NPAS3: variants seen among roughly 807,000 people sequenced by gnomAD.
NPAS3 encodes neuronal PAS domain-containing protein 3.
Under a neutral mutation model 73.1 loss-of-function variants are expected in NPAS3, and 14 were observed. The ratio of observed to expected loss-of-function variants is 0.19; its 90% CI spans 0.13 to 0.30. The LOEUF (loss-of-function observed/expected upper bound fraction) is 0.30, where lower values mean the gene tolerates loss of function less well. Among genes scored for constraint, NPAS3 ranks in the 10% least tolerant of loss-of-function variants. The pLI is 1.00. For synonymous variants in NPAS3, 620 were observed against 541.5 expected (o/e 1.14, Z -2.01); for missense variants, 1,096 against 1,250.0 (o/e 0.88, Z 1.86).
chr14:33,238,486 G>C (rs2048113635), intron 3 of NPAS3, among the ~76,000 whole-genome samples: 1 of 151,922 alleles, frequency 6.6e-6, no homozygotes, highest in African/African-American at 2.4e-5. Flanking sequence ...CATGGATCAG[G>C]AAGATGAATC....
At chr14:33,278,169 C>T (rs539991884) in intron 3 of NPAS3, among the ~76,000 whole-genome samples, 1 of 152,058 alleles carries the variant, frequency 6.6e-6, no homozygotes. Flanking sequence ...TTAGGAAACA[C>T]ACGAGTTTGG....
intron 6 of NPAS3, among the ~76,000 whole-genome samples, chr14:33,710,153 G>T (rs958739794): frequency 6.6e-6 from 1 of 152,188 alleles, no homozygotes; most frequent in Non-Finnish European, 1.5e-5. Context: ...AACACAATGC[G>T]ACTTGATGTA....
chr14:33,528,699 G>A (rs1345790827), intron 4 of NPAS3, among the ~76,000 whole-genome samples: 1 of 152,092 alleles, frequency 6.6e-6, no homozygotes, highest in Non-Finnish European at 1.5e-5. Flanking sequence ...GGTAGTAGGT[G>A]ACAGCGTCAG....
At chr14:33,529,582 G>T (rs1441354627) in intron 4 of NPAS3, among the ~76,000 whole-genome samples, 3 of 152,000 alleles carry the variant, frequency 2.0e-5, no homozygotes, top group South Asian at 2.1e-4. Context: ...CCTTTGTGTT[G>T]TTAAAGTAAT....
chr14:33,009,618 T>C (rs1045617792), intron 1 of NPAS3, among the ~76,000 whole-genome samples: 21 of 152,258 alleles, frequency 1.4e-4, no homozygotes, highest in African/African-American at 5.1e-4. Context: ...AGAGTCTTGT[T>C]TTTTCACCAA....
At chr14:33,435,565 A>G (rs2048953691) in intron 4 of NPAS3, among the ~76,000 whole-genome samples, 1 of 152,212 alleles carries the variant, frequency 6.6e-6, no homozygotes, top group Non-Finnish European at 1.5e-5. Context: ...TATGTCACAG[A>G]GAATACTTGA....
At chr14:33,401,023 T>C (rs2047422828) in intron 4 of NPAS3, among the ~76,000 whole-genome samples, 1 of 152,132 alleles carries the variant, frequency 6.6e-6, no homozygotes, top group Non-Finnish European at 1.5e-5. Context: ...TATTAGATAT[T>C]GCAGAATGCA....
chr14:33,647,900 A>T (rs1272124601), intron 5 of NPAS3, among the ~76,000 whole-genome samples: 1 of 152,212 alleles, frequency 6.6e-6, no homozygotes, highest in African/African-American at 2.4e-5. Context: ...TGGCAGGCCC[A>T]TTGTATAGAA....
chr14:32,937,894 A>G (rs936762997), upstream of NPAS3, among the ~76,000 whole-genome samples: 1 of 152,042 alleles, frequency 6.6e-6, no homozygotes, highest in Non-Finnish European at 1.5e-5. Context: ...TTTAGTGGAG[A>G]AAACGCTCTG....
intron 4 of NPAS3, among the ~76,000 whole-genome samples, chr14:33,404,941 T>C (rs1471782420): frequency 1.3e-5 from 2 of 152,148 alleles, no homozygotes; most frequent in Admixed American, 1.3e-4. Context: ...TTGTCCCATG[T>C]TGCTCTTGTT....
chr14:33,078,283 T>C (rs1243528137), intron 2 of NPAS3, among the ~76,000 whole-genome samples: 1 of 152,220 alleles, frequency 6.6e-6, no homozygotes, highest in Non-Finnish European at 1.5e-5. Flanking sequence ...ATAGAGTTAA[T>C]TGAACACATT....
intron 1 of NPAS3, among the ~76,000 whole-genome samples, chr14:32,981,294 T>C (rs1450589390): frequency 1.3e-5 from 2 of 152,228 alleles, no homozygotes; most frequent in Non-Finnish European, 2.9e-5. Context: ...AAAATGATGA[T>C]GATGACAATA....
intron 9 of NPAS3, among the ~76,000 whole-genome samples, chr14:33,790,026 C>A (rs575620037): frequency 6.6e-6 from 1 of 152,138 alleles, no homozygotes; most frequent in Admixed American, 6.5e-5. Context: ...AGAAAAGATG[C>A]CAGGTTACAT....
chr14:33,464,384 A>T (rs773721942), intron 4 of NPAS3, among the ~76,000 whole-genome samples: 1 of 152,176 alleles, frequency 6.6e-6, no homozygotes, highest in Non-Finnish European at 1.5e-5. Context: ...GGCCGAGTAC[A>T]TTACAGTAAT....
At chr14:33,567,846 G>A (rs1329155695) in intron 5 of NPAS3, among the ~76,000 whole-genome samples, 2 of 152,184 alleles carry the variant, frequency 1.3e-5, no homozygotes, top group African/African-American at 4.8e-5. Flanking sequence ...TGAAAGAAAT[G>A]TGCGTCATCA....
At chr14:33,461,677 G>A (rs1399478910) in intron 4 of NPAS3, among the ~76,000 whole-genome samples, 1 of 152,184 alleles carries the variant, frequency 6.6e-6, no homozygotes, top group Non-Finnish European at 1.5e-5. Context: ...ACAAAAGCAG[G>A]TTCCAGTTTG....
At chr14:33,668,238 C>G (rs987206933) in intron 5 of NPAS3, among the ~76,000 whole-genome samples, 1 of 152,196 alleles carries the variant, frequency 6.6e-6, no homozygotes, top group Non-Finnish European at 1.5e-5. Context: ...CATTGTGACT[C>G]AACTCCTGGT....
chr14:33,038,198 C>A (rs904020422), intron 1 of NPAS3, among the ~76,000 whole-genome samples: 1 of 152,178 alleles, frequency 6.6e-6, no homozygotes, highest in Non-Finnish European at 1.5e-5. Context: ...TTTTAAAAAT[C>A]TATCAAGATG....
At chr14:33,269,863 C>T (rs1194512878) in intron 3 of NPAS3, among the ~76,000 whole-genome samples, 1 of 152,076 alleles carries the variant, frequency 6.6e-6, no homozygotes, top group Non-Finnish European at 1.5e-5. Flanking sequence ...CTCATTCAAC[C>T]AGTGATTTAC....
Sources: allele counts gnomAD v4.1 joint callset (sites outside exome capture counted in the v4.1 genomes callset), GRCh38; gene constraint gnomAD v4.1.1; transcripts MANE v1.5; gene names NCBI Gene and HGNC (gene_info 2026-07-23, HGNC 2026-07-21).